The following PAX5 variants were observed in gnomAD, a reference collection of about 807,000 sequenced individuals.
The protein encoded by PAX5 is paired box 5.
In PAX5, 9 loss-of-function variants were observed where a neutral mutation model predicts 43.7. That is an observed-to-expected ratio of 0.21 (90% CI 0.12 to 0.36). The LOEUF is 0.36. Ranked by LOEUF, PAX5 falls within the 10% of genes least tolerant of loss-of-function variation. The pLI is 1.00. For missense variants in PAX5, 383 were observed against 532.7 expected, an observed-to-expected ratio of 0.72 and a Z score of 2.77; for synonymous variants, 228 against 214.3, an observed-to-expected ratio of 1.06 and a Z score of -0.56.
chr9:36,906,469 G>T (rs1360552085), intron 7 of PAX5, among the ~76,000 whole-genome samples: 1 of 152,200 alleles, frequency 6.6e-6, no homozygotes, highest in Non-Finnish European at 1.5e-5. Flanking sequence ...GCTGGAAAAG[G>T]CAAGGAAACG....
rs547172367 is a variant in PAX5 at position 36,976,656 on chromosome 9, A to T, written c.605-9932T>A. Reference sequence around the variant, plus strand: ...TGGCATGGAGGAAAATTTCCACTGAAACTACCATTATTCAGCCATTTGTTT... The same window carrying T: ...TGGCATGGAGGAAAATTTCCACTGATACTACCATTATTCAGCCATTTGTTT... On this transcript the variant is annotated intron_variant, in intron 5 of 9. Coordinates refer to ENST00000358127, the MANE Select transcript of PAX5 (RefSeq NM_016734.3). Among the ~76,000 whole-genome samples, 3 of 152,340 alleles carry T rather than the reference A, an allele frequency of 2.0e-5. No individual in the cohort carries two copies. The South Asian group carries it at 6.2e-4, about 32-fold the overall frequency.
intron 6 of PAX5, among the ~76,000 whole-genome samples, chr9:36,924,127 C>T (rs879313456): frequency 2.0e-5 from 3 of 152,184 alleles, no homozygotes; most frequent in Non-Finnish European, 4.4e-5. Context: ...TTTTTGAATT[C>T]TAGAAGCAGG....
intron 9 of PAX5, among the ~76,000 whole-genome samples, chr9:36,841,405 C>T (rs961317119): frequency 2.0e-5 from 3 of 152,250 alleles, no homozygotes. Flanking sequence ...AACTCTTGGC[C>T]TGCACCCTCA....
At chr9:36,974,851 C>T (rs1224998733) in intron 5 of PAX5, among the ~76,000 whole-genome samples, 1 of 152,172 alleles carries the variant, frequency 6.6e-6, no homozygotes, top group Non-Finnish European at 1.5e-5. Context: ...CGACCTGCCC[C>T]TCTAGTCAGG....
intron 5 of PAX5, among the ~76,000 whole-genome samples, chr9:36,986,460 T>C (rs1278623217): frequency 3.3e-5 from 5 of 152,118 alleles, no homozygotes; most frequent in African/African-American, 7.2e-5. Flanking sequence ...TCAATTAAAT[T>C]GCAAATGCTT....
At position 36,939,765 on chromosome 9, in the gene PAX5, C is replaced by CA. The variant is rs1044200133; in HGVS notation, c.781-16282dup. 4.7e-4 allele frequency among the ~76,000 whole-genome samples: 70 copies of CA among 148,700 alleles called. 1 individual carries two copies. The South Asian group carries it at 7.9e-3, about 17-fold the overall frequency. Reference sequence around the variant, plus strand: ...TCAAAATGGGACTTCACAGCTGTGTCAAAAAAAAAGAGGGAGAGAGAGAGG... The same window carrying CA: ...TCAAAATGGGACTTCACAGCTGTGTCAAAAAAAAAAGAGGGAGAGAGAGAGG... On this transcript the variant is annotated intron_variant, in intron 6 of 9. Transcript: ENST00000358127.
In PAX5 at chr9:36,840,136, C is replaced by T. The variant is rs935972710; in HGVS notation, c.*424G>A. 2.9e-5 allele frequency: 11 copies of T among 379,280 alleles called. No individual in the cohort carries two copies. Among genetic ancestry groups the T allele is most frequent in the Admixed American group, 8.6e-5 (2 of 23,216 alleles). The allele number at this position is 379,280 out of a possible 1,614,324, so 23.5% of individuals were successfully genotyped here. A position where few individuals can be genotyped will look rare whatever the true frequency, so the allele number is the denominator to read the frequency against. ...TCATGGGTGGAGCAGTCTTCTCAGT[C>T]GGACCTTCAGGCCCACAGAAAAGCA... On this transcript the variant is annotated 3_prime_UTR_variant, in exon 10 of 10. Transcript: ENST00000358127.
intron 8 of PAX5, chr9:36,860,793 G>A (rs908560520): frequency 2.6e-5 from 4 of 152,192 alleles, no homozygotes; most frequent in African/African-American, 7.2e-5. Context: ...CTCCAGGCAG[G>A]CCACAAGGCA....
At chr9:36,845,844 C>T (rs1822518113) in intron 9 of PAX5, among the ~76,000 whole-genome samples, 1 of 152,126 alleles carries the variant, frequency 6.6e-6, no homozygotes, top group Non-Finnish European at 1.5e-5. Context: ...TTTCTCAGTC[C>T]CAAAATAATT....
intron 5 of PAX5, among the ~76,000 whole-genome samples, chr9:36,988,274 G>T (rs1199712722): frequency 6.6e-6 from 1 of 152,138 alleles, no homozygotes; most frequent in Non-Finnish European, 1.5e-5. Context: ...CAGAAACATG[G>T]AGCTGAAATT....
chr9:37,005,556 T>A (rs1838318286), intron 4 of PAX5, among the ~76,000 whole-genome samples: 1 of 152,286 alleles, frequency 6.6e-6, no homozygotes, highest in Non-Finnish European at 1.5e-5. Flanking sequence ...CTGGGTGAGG[T>A]AATGACAAAG....
intron 8 of PAX5, among the ~76,000 whole-genome samples, chr9:36,869,137 G>A (rs950309802): frequency 6.6e-6 from 1 of 152,210 alleles, no homozygotes; most frequent in African/African-American, 2.4e-5. Context: ...TGGAGGCAGC[G>A]GTTGGTCCAG....
intron 1 of PAX5, among the ~76,000 whole-genome samples, chr9:37,021,541 AT>A (rs1839856361): frequency 6.6e-6 from 1 of 152,208 alleles, no homozygotes; most frequent in African/African-American, 2.4e-5. Context: ...AATTTTTACA[AT>A]GTTTTGCAAT....
At chr9:36,869,918 G>GGAT (rs1399277869) in intron 8 of PAX5, among the ~76,000 whole-genome samples, 3 of 140,736 alleles carry the variant, frequency 2.1e-5, no homozygotes, top group African/African-American at 8.3e-5. Flanking sequence ...ATGGATGGAT[G>GGAT]GATGGATGGA....
At position 36,840,608 on chromosome 9, in the gene PAX5, G is replaced by A; in HGVS notation, c.1128C>T (p.Ala376=). Residue 376 remains alanine, a synonymous_variant, in exon 10 of 10, where the codon GCC becomes GCT. Coordinates refer to ENST00000358127, the MANE Select transcript of PAX5 (RefSeq NM_016734.3). The part of the protein sequence containing the change: ...LGSPYYYSAA[A]RGAAPPAAAT... ...CGGCTGCAGGTGGGGCGGCTCCTCGGGCGGCAGCGCTATAATAGTAGGGGG... is the reference window on the plus strand; with the variant it reads ...CGGCTGCAGGTGGGGCGGCTCCTCGAGCGGCAGCGCTATAATAGTAGGGGG... The A allele has an allele frequency of 6.3e-7, 1 of 1,579,712 alleles. No individual in the cohort carries two copies. Among genetic ancestry groups the A allele is most frequent in the South Asian group, 1.2e-5 (1 of 86,108 alleles).
chr9:36,957,802 C>T (rs933148280), intron 6 of PAX5, among the ~76,000 whole-genome samples: 2 of 152,150 alleles, frequency 1.3e-5, no homozygotes, highest in Non-Finnish European at 2.9e-5. Context: ...CCTTCAAGTC[C>T]CCAAGTCCCT....
intron 1 of PAX5, among the ~76,000 whole-genome samples, chr9:37,024,904 G>A (rs1170324303): frequency 2.0e-5 from 3 of 152,260 alleles, no homozygotes; most frequent in African/African-American, 7.2e-5. Context: ...CCAGTGAGGA[G>A]AGAAGTGCAG....
intron 6 of PAX5, among the ~76,000 whole-genome samples, chr9:36,925,545 G>T (rs1830580489): frequency 6.6e-6 from 1 of 152,164 alleles, no homozygotes; most frequent in Admixed American, 6.5e-5. Flanking sequence ...GTACAAATCA[G>T]CAGGAAAGGA....
At chr9:37,033,893 C>T in intron 1 of PAX5, 93 bp downstream of exon 1, 4 of 1,092,598 alleles carry the variant, frequency 3.7e-6, no homozygotes, top group Non-Finnish European at 5.5e-6. Flanking sequence ...AAATGCGGCG[C>T]GCCCCCTCCT....
Sources: gnomAD v4.1 joint callset for allele counts (sites outside exome capture counted in the v4.1 genomes callset) on GRCh38, gnomAD v4.1.1 for gene constraint, MANE v1.5 for transcripts, NCBI Gene and HGNC (gene_info 2026-07-23, HGNC 2026-07-21) for gene names.